Variants in RAPGEF6 observed in about 807,000 individuals in gnomAD.
RAPGEF6 encodes Rap guanine nucleotide exchange factor 6, also known as PDZ domain containing guanine nucleotide exchange factor (GEF) 2.
In RAPGEF6, 56 loss-of-function variants were observed where a neutral mutation model predicts 171.4. The ratio of observed to expected loss-of-function variants is 0.33; its 90% CI spans 0.26 to 0.41. The LOEUF is 0.41. Ranked by LOEUF, RAPGEF6 falls within the 10% of genes least tolerant of loss-of-function variation. The pLI, the probability that RAPGEF6 is intolerant of heterozygous loss-of-function variation, is 1.00. For missense variants in RAPGEF6, 1,674 were observed against 1,921.4 expected, an observed-to-expected ratio of 0.87 and a Z score of 2.41; for synonymous variants, 692 against 650.1, an observed-to-expected ratio of 1.06 and a Z score of -0.98.
At chr5:131,484,148 A>G (rs1002610966) in intron 15 of RAPGEF6, among the ~76,000 whole-genome samples, 8 of 151,320 alleles carry the variant, frequency 5.3e-5, no homozygotes, top group African/African-American at 9.7e-5. Context: ...ACACACAAAA[A>G]AGGTGCTCAA....
intron 15 of RAPGEF6, among the ~76,000 whole-genome samples, chr5:131,488,310 T>C (rs779083387): frequency 1.1e-4 from 16 of 152,342 alleles, no homozygotes; most frequent in South Asian, 2.1e-4. Flanking sequence ...TAGTAATCTT[T>C]ATGTGACGGG....
intron 11 of RAPGEF6, among the ~76,000 whole-genome samples, chr5:131,501,915 C>A (rs1379948070): frequency 3.3e-5 from 5 of 152,078 alleles, no homozygotes; most frequent in Non-Finnish European, 7.4e-5. Flanking sequence ...TATTTCCTAG[C>A]TCTGATGAAA....
At chr5:131,567,182 T>G (rs1762004814) in intron 4 of RAPGEF6, among the ~76,000 whole-genome samples, 1 of 152,142 alleles carries the variant, frequency 6.6e-6, no homozygotes, top group Non-Finnish European at 1.5e-5. Flanking sequence ...TGGAAATTTG[T>G]ATCTTTTTTT....
chr5:131,602,980 C>T (rs574659918), intron 3 of RAPGEF6, among the ~76,000 whole-genome samples: 42 of 152,296 alleles, frequency 2.8e-4, no homozygotes, highest in African/African-American at 1.0e-3. Context: ...AACTAACCTA[C>T]AGTGATACAA....
chr5:131,522,942 A>G (rs1281065513), intron 6 of RAPGEF6, among the ~76,000 whole-genome samples: 1 of 152,232 alleles, frequency 6.6e-6, no homozygotes, highest in Non-Finnish European at 1.5e-5. Flanking sequence ...ATACAGGATT[A>G]CTAGCATTTC....
chr5:131,456,612 G>C (rs1173988431), intron 19 of RAPGEF6, among the ~76,000 whole-genome samples: 1 of 152,148 alleles, frequency 6.6e-6, no homozygotes, highest in Non-Finnish European at 1.5e-5. Context: ...ATGCCAGTTA[G>C]GCTGCAAGTC....
chr5:131,596,779 C>T (rs555889574), intron 3 of RAPGEF6, among the ~76,000 whole-genome samples: 19 of 152,260 alleles, frequency 1.2e-4, no homozygotes, highest in African/African-American at 4.3e-4. Flanking sequence ...CCTGAAACCA[C>T]GAAATCTACT....
At chr5:131,629,583 G>C (rs1225275457) in intron 1 of RAPGEF6, among the ~76,000 whole-genome samples, 1 of 124,910 alleles carries the variant, frequency 8.0e-6, no homozygotes, top group African/African-American at 2.7e-5. Context: ...GCAAGGCCTC[G>C]TCTCTACAAA....
intron 1 of RAPGEF6, among the ~76,000 whole-genome samples, chr5:131,626,020 A>G (rs576010031): frequency 6.6e-6 from 1 of 152,248 alleles, no homozygotes; most frequent in East Asian, 1.9e-4. Context: ...TATAAAACTG[A>G]TCTTATTTCC....
At chr5:131,494,222 G>A (rs1756478636) in intron 13 of RAPGEF6, among the ~76,000 whole-genome samples, 1 of 152,182 alleles carries the variant, frequency 6.6e-6, no homozygotes, top group African/African-American at 2.4e-5. Flanking sequence ...CTAGCAAATG[G>A]TGGAGCTTGA....
At chr5:131,483,089 C>T (rs1755599467) in intron 15 of RAPGEF6, among the ~76,000 whole-genome samples, 1 of 152,152 alleles carries the variant, frequency 6.6e-6, no homozygotes, top group African/African-American at 2.4e-5. Flanking sequence ...TGGCTCATGC[C>T]TGTAATCCTA....
At position 131,528,328 on chromosome 5, in the gene RAPGEF6, TATATATATATACACAC is replaced by T. The variant is rs1209413253; in HGVS notation, c.496-6823_496-6808del. ...TATATTTATATTATATATATATATATATATATATATACACACACACACACATATATATATATGGCAG... is the reference window on the plus strand; with the variant it reads ...TATATTTATATTATATATATATATATACACACACATATATATATATGGCAG... On this transcript the variant is annotated intron_variant, in intron 6 of 27. Coordinates refer to ENST00000509018, the MANE Select transcript of RAPGEF6 (RefSeq NM_016340.6). Among the ~76,000 whole-genome samples, 35 of 107,010 alleles carry T rather than the reference TATATATATATACACAC, an allele frequency of 3.3e-4. 4 individuals carry two copies. Among genetic ancestry groups the T allele is most frequent in the African/African-American group, 1.7e-3 (35 of 21,170 alleles). 70.2% of individuals were successfully genotyped at this position (107,010 alleles called of 152,430 possible). A position where few individuals can be genotyped will look rare whatever the true frequency, so the allele number is the denominator to read the frequency against.
chr5:131,495,590 C>T lies in RAPGEF6; in HGVS notation c.1490G>A (p.Arg497Gln), dbSNP rs545717130. ...NDFEGDPAMT[R>Q]FLEEFEKNLE... ...ATTTTTTTCAAATTCCTCTAGAAAT[C>T]GAGTCATAGCAGGGTCACCTTCAAA... is the stretch of plus-strand genomic sequence containing the variant. The change falls in exon 13 of 28, where the codon CGA (arginine) becomes CAA (glutamine). Residue 497 changes from arginine to glutamine, a missense_variant. By Grantham distance (43) the Arg-to-Gln change is conservative (BLOSUM62 1). Around this residue, in one of 3 missense-constraint regions of RAPGEF6, gnomAD observed 1,116 missense variants for 1,321.5 expected, o/e 0.84. Transcript: ENST00000509018. 1.7e-5 allele frequency: 27 copies of T among 1,613,384 alleles called. 2 individuals carry two copies. In the South Asian group the frequency reaches 2.3e-4, roughly 14 times the overall value.
chr5:131,515,472 CAAA>C (rs964084834), intron 7 of RAPGEF6, among the ~76,000 whole-genome samples: 1 of 152,058 alleles, frequency 6.6e-6, no homozygotes, highest in Non-Finnish European at 1.5e-5. Flanking sequence ...TAATTCAGTG[CAAA>C]AAAAGAATTT....
intron 6 of RAPGEF6, among the ~76,000 whole-genome samples, chr5:131,530,434 G>T (rs1406853643): frequency 2.6e-5 from 4 of 152,094 alleles, no homozygotes; most frequent in African/African-American, 9.7e-5. Context: ...GAAAATTAAT[G>T]AATTCAGAAG....
chr5:131,495,710 T>G lies in RAPGEF6; in HGVS notation c.1420-50A>C. On this transcript the variant is annotated intron_variant, in intron 12 of 27. Transcript: ENST00000509018. ...ATATGGTTATAAGAGGCATTCCTTC[T>G]GCACAAGTGGATTCCAAAAGCATGT... The G allele has an allele frequency of 1.9e-6, 3 of 1,566,996 alleles. No individual in the cohort carries two copies. In the South Asian group the frequency reaches 3.5e-5, roughly 18 times the overall value.
At chr5:131,524,493 G>A (rs1403470072) in intron 6 of RAPGEF6, among the ~76,000 whole-genome samples, 3 of 150,906 alleles carry the variant, frequency 2.0e-5, no homozygotes, top group Admixed American at 6.6e-5. Context: ...AATAATCAAA[G>A]AATGGAAAAA....
intron 12 of RAPGEF6, 73 bp from the exon 13 acceptor site, chr5:131,495,733 T>C: frequency 2.0e-6 from 3 of 1,519,940 alleles, no homozygotes; most frequent in Non-Finnish European, 2.7e-6. Context: ...TCCAAAAGCA[T>C]GTCTAAAACT....
At chr5:131,548,392 C>T (rs1760692008) in intron 5 of RAPGEF6, among the ~76,000 whole-genome samples, 2 of 152,134 alleles carry the variant, frequency 1.3e-5, no homozygotes, top group Non-Finnish European at 2.9e-5. Flanking sequence ...CCACAGTTTC[C>T]GTCCAGGAAA....
Sources: gnomAD v4.1 joint callset for allele counts (sites outside exome capture counted in the v4.1 genomes callset) on GRCh38, gnomAD v4.1.1 for gene constraint, gnomAD v4.1.1 regional missense constraint, MANE v1.5 for transcripts, NCBI Gene and HGNC (gene_info 2026-07-23, HGNC 2026-07-21) for gene names.